CBR4: variants seen among roughly 807,000 people sequenced by gnomAD.
CBR4 encodes the protein carbonyl reductase 4.
Under a neutral mutation model 21.0 loss-of-function variants are expected in CBR4, and 22 were observed. That is an observed-to-expected ratio of 1.05 (90% CI 0.75 to 1.50). The LOEUF (loss-of-function observed/expected upper bound fraction) is 1.50. CBR4 is among the 40% of genes most tolerant of loss of function. The pLI, the probability that CBR4 is intolerant of heterozygous loss-of-function variation, is 0.00. For synonymous variants in CBR4, 100 were observed against 104.4 expected (o/e 0.96, Z 0.26); for missense variants, 302 against 286.3 (o/e 1.05, Z -0.40).
At chr4:168,908,919 T>G (rs983353385) in intron 2 of CBR4, among the ~76,000 whole-genome samples, 11 of 152,218 alleles carry the variant, frequency 7.2e-5, no homozygotes, top group African/African-American at 2.4e-4. Flanking sequence ...GTTAATCTTT[T>G]GGGAATAAGA....
At chr4:168,970,074 C>T (rs553094730) in intron 2 of CBR4, among the ~76,000 whole-genome samples, 2 of 152,178 alleles carry the variant, frequency 1.3e-5, no homozygotes, top group African/African-American at 4.8e-5. Context: ...TATCTTTTGC[C>T]CATTTTCCTA....
At chr4:168,953,273 C>G (rs909480511) in intron 2 of CBR4, among the ~76,000 whole-genome samples, 62 of 152,172 alleles carry the variant, frequency 4.1e-4, no homozygotes, top group Non-Finnish European at 7.6e-4. Context: ...CGTGCCCCCC[C>G]GCAAAAGCAC....
rs536545858 is a variant in CBR4 at position 168,925,208 on chromosome 4, GCT to G, written n.170-30445_170-30444del. The G allele has an allele frequency of 0.74, 1,177,387 of 1,580,684 alleles. 444,219 individuals carry two copies. The highest frequency in any genetic ancestry group is 0.96 in the East Asian group (42,746 of 44,660). ...TTTATTTGTCAAAAAAATTCATATT[GCT>G]CTCTCTCTCTTTCTATTTGTAGTTT... On this transcript the variant is annotated intron_variant and non_coding_transcript_variant, in intron 2 of 3. Coordinates refer to the CBR4 transcript ENST00000509108.
intron 4 of CBR4, among the ~76,000 whole-genome samples, chr4:169,000,220 A>C (rs1405778649): frequency 6.6e-6 from 1 of 152,222 alleles, no homozygotes; most frequent in Non-Finnish European, 1.5e-5. Context: ...TAAAGCATAC[A>C]CAAAGAGAAA....
At chr4:168,980,785 C>T (rs1305980850) in intron 2 of CBR4, among the ~76,000 whole-genome samples, 1 of 152,094 alleles carries the variant, frequency 6.6e-6, no homozygotes, top group African/African-American at 2.4e-5. Context: ...CTGAAAACAT[C>T]CAGAAATGAA....
At chr4:168,998,925 AGAG>A (rs1730166711) in intron 4 of CBR4, among the ~76,000 whole-genome samples, 1 of 152,184 alleles carries the variant, frequency 6.6e-6, no homozygotes, top group Non-Finnish European at 1.5e-5. Context: ...CTGAATGTCC[AGAG>A]GAGAAAAGAC....
chr4:168,932,557 AACAT>A lies in CBR4; in HGVS notation n.170-37796_170-37793del. 5.9e-5 allele frequency among the ~76,000 whole-genome samples: 9 copies of A among 152,336 alleles called. No homozygotes were observed. The Middle Eastern group carries it at 0.031, about 518-fold the overall frequency. ...CTTCCCAAGTTTTGGAAAAGAGATG[AACAT>A]CTAGCTCTAAGAAGCTTAAAGTCCC... On this transcript the variant is annotated intron_variant and non_coding_transcript_variant, in intron 2 of 3. Transcript: ENST00000509108.
At chr4:168,927,151 A>G in intron 2 of CBR4, 2 of 229,018 alleles carry the variant, frequency 8.7e-6, no homozygotes, top group Non-Finnish European at 1.7e-5. Context: ...AAAGCATCCA[A>G]ACCACCCAAA....
In CBR4 at chr4:169,007,708, T is replaced by G. The variant is rs1456369183; in HGVS notation, c.191A>C (p.Gln64Pro). Residue 64 changes from glutamine to proline, a missense_variant, in exon 2 of 5, where the codon CAA becomes CCA. Transcript: ENST00000306193. ...SCDVAKEHDV[Q>P]NTFEELEKHL... Reference sequence around the variant, plus strand: ...TTTCTCCAGCTCTTCAAATGTATTTTGAACATCATGTTCTTTAGCAACATC... The same window carrying G: ...TTTCTCCAGCTCTTCAAATGTATTTGGAACATCATGTTCTTTAGCAACATC... 1 of 1,595,052 alleles carries G rather than the reference T, an allele frequency of 6.3e-7. No individual in the cohort carries two copies. Among genetic ancestry groups the G allele is most frequent in the East Asian group, 2.3e-5 (1 of 43,508 alleles).
At chr4:168,970,748 C>T (rs1307939537) in intron 2 of CBR4, among the ~76,000 whole-genome samples, 1 of 151,932 alleles carries the variant, frequency 6.6e-6, no homozygotes, top group Non-Finnish European at 1.5e-5. Flanking sequence ...TGAGTTACTT[C>T]ACTTAGACTA....
At chr4:168,897,472 G>C (rs112935285) in intron 2 of CBR4, among the ~76,000 whole-genome samples, 1 of 152,000 alleles carries the variant, frequency 6.6e-6, no homozygotes, top group Non-Finnish European at 1.5e-5. Context: ...TTGGAGACAG[G>C]GTCTCACTCT....
intron 4 of CBR4, chr4:169,001,807 A>G: frequency 4.9e-6 from 1 of 202,990 alleles, no homozygotes. Context: ...TACAGCCTGC[A>G]GGCCCGAGAG....
At position 168,987,980 on chromosome 4, in the gene CBR4, C is replaced by T. The variant is rs529765146; in HGVS notation, c.*2170G>A. The T allele has an allele frequency of 2.0e-6, 2 of 985,396 alleles. No individual in the cohort carries two copies. The highest frequency in any genetic ancestry group is 1.1e-4 in the East Asian group (1 of 8,810). The allele number at this position is 985,396 out of a possible 1,614,324, so 61.0% of individuals were successfully genotyped here. A position where few individuals can be genotyped will look rare whatever the true frequency, so the allele number is the denominator to read the frequency against. ...TATTTTGTTAATGCTAAGCACAGAACCCTTATGGGCTCATAGGAGTCAGCA... is the reference window on the plus strand; with the variant it reads ...TATTTTGTTAATGCTAAGCACAGAATCCTTATGGGCTCATAGGAGTCAGCA... On this transcript the variant is annotated 3_prime_UTR_variant, in exon 5 of 5. Transcript: ENST00000306193.
chr4:168,962,675 A>T (rs1318629855), intron 2 of CBR4, among the ~76,000 whole-genome samples: 3 of 152,242 alleles, frequency 2.0e-5, no homozygotes, highest in African/African-American at 4.8e-5. Context: ...CTATAAAAAA[A>T]GCTAAAGTGA....
At chr4:168,977,221 C>G (rs764581578) in intron 2 of CBR4, among the ~76,000 whole-genome samples, 19 of 151,892 alleles carry the variant, frequency 1.3e-4, no homozygotes, top group Admixed American at 1.2e-3. Context: ...GCATCTCCCC[C>G]ACAAAAACAA....
At chr4:168,945,725 T>C (rs1241544183) in intron 2 of CBR4, among the ~76,000 whole-genome samples, 1 of 152,202 alleles carries the variant, frequency 6.6e-6, no homozygotes, top group South Asian at 2.1e-4. Flanking sequence ...GAAACAACCA[T>C]TTAAATGGCA....
chr4:168,971,394 C>G (rs1398488566), intron 2 of CBR4, among the ~76,000 whole-genome samples: 1 of 151,438 alleles, frequency 6.6e-6, no homozygotes. Context: ...CTCAGCCTCC[C>G]GAGTAGCTGG....
rs748559501 is a variant in CBR4, at chr4:169,006,737, A to G, written c.400+18T>C. On this transcript the variant is annotated intron_variant, in intron 3 of 4. Transcript: ENST00000306193. ...GGTATTATGGGATAATCATAAATTC[A>G]CAAAGGTGAAGACTCACCTACATTA... is the stretch of plus-strand genomic sequence containing the variant. The G allele has an allele frequency of 6.2e-7, 1 of 1,601,920 alleles. No homozygotes were observed. Among genetic ancestry groups the G allele is most frequent in the Non-Finnish European group, 8.5e-7 (1 of 1,172,394 alleles).
downstream of CBR4, among the ~76,000 whole-genome samples, chr4:168,983,992 T>C (rs1220278644): frequency 1.3e-5 from 2 of 152,092 alleles, no homozygotes; most frequent in African/African-American, 2.4e-5. Context: ...CTTTGAGAAC[T>C]GCAACAAGAC....
Sources: allele counts gnomAD v4.1 joint callset (sites outside exome capture counted in the v4.1 genomes callset), GRCh38; gene constraint gnomAD v4.1.1; transcripts MANE v1.5; gene names NCBI Gene and HGNC (gene_info 2026-07-23, HGNC 2026-07-21).